The following TMEM132B variants were observed in gnomAD, a reference collection of about 807,000 sequenced individuals.
The protein encoded by TMEM132B is transmembrane protein 132B.
In TMEM132B, 18 loss-of-function variants were observed where a neutral mutation model predicts 90.8. That is an observed-to-expected ratio of 0.20 (90% CI 0.14 to 0.29). The LOEUF (loss-of-function observed/expected upper bound fraction) is 0.29, where lower values mean the gene tolerates loss of function less well. Among genes scored for constraint, TMEM132B ranks in the 10% least tolerant of loss-of-function variants. The probability of loss-of-function intolerance (pLI) is 1.00; values close to 1 mark genes in which losing one functional copy is unlikely to be tolerated. For synonymous variants in TMEM132B, 504 were observed against 523.3 expected (o/e 0.96, Z 0.50); for missense variants, 1,096 against 1,326.8 (o/e 0.83, Z 2.70).
chr12:125,412,019 A>C (rs888588824), intron 2 of TMEM132B, among the ~76,000 whole-genome samples: 3 of 151,546 alleles, frequency 2.0e-5, no homozygotes, highest in Non-Finnish European at 4.4e-5. Context: ...CTGCCACGGC[A>C]CCCCCCGTGC....
chr12:125,556,367 G>A (rs901738820), intron 4 of TMEM132B, among the ~76,000 whole-genome samples: 1 of 152,150 alleles, frequency 6.6e-6, no homozygotes, highest in Non-Finnish European at 1.5e-5. Context: ...TTCTGCCCTT[G>A]TTCTAAGGCA....
At chr12:125,448,721 A>C (rs1881069414) in intron 3 of TMEM132B, among the ~76,000 whole-genome samples, 2 of 152,172 alleles carry the variant, frequency 1.3e-5, no homozygotes, top group Admixed American at 1.3e-4. Context: ...TGGTAAGTAT[A>C]TATTTAATTT....
At chr12:125,485,944 C>T (rs571476979) in intron 3 of TMEM132B, among the ~76,000 whole-genome samples, 9 of 152,242 alleles carry the variant, frequency 5.9e-5, no homozygotes, top group South Asian at 4.2e-4. Flanking sequence ...ATCCACTTAC[C>T]GTGCAGTCTA....
chr12:125,644,006 T>C, intron 5 of TMEM132B, 70 bp from the exon 6 acceptor site: 1 of 1,406,440 alleles, frequency 7.1e-7, no homozygotes, highest in Non-Finnish European at 1.0e-6. Context: ...TTCATGAACT[T>C]TCACTGTTGT....
intron 5 of TMEM132B, among the ~76,000 whole-genome samples, chr12:125,590,738 GAGCATTTATTA>G (rs1266245304): frequency 3.9e-5 from 6 of 152,324 alleles, no homozygotes; most frequent in African/African-American, 1.4e-4. Context: ...AACATTTATT[GAGCATTTATTA>G]AGTACCAGGT....
At chr12:125,281,554 T>A (rs1260805412) in intron 1 of TMEM132B, among the ~76,000 whole-genome samples, 1 of 152,098 alleles carries the variant, frequency 6.6e-6, no homozygotes, top group Non-Finnish European at 1.5e-5. Context: ...CAGAGCTCAG[T>A]TTGCCAGTTA....
At chr12:125,526,333 A>G (rs1416135438) in intron 4 of TMEM132B, among the ~76,000 whole-genome samples, 1 of 152,202 alleles carries the variant, frequency 6.6e-6, no homozygotes, top group African/African-American at 2.4e-5. Flanking sequence ...AGGGGCAGGG[A>G]TGCCATCCAC....
intron 1 of TMEM132B, among the ~76,000 whole-genome samples, chr12:125,216,497 C>T (rs1873441399): frequency 6.6e-6 from 1 of 152,190 alleles, no homozygotes; most frequent in East Asian, 1.9e-4. Flanking sequence ...CTCTCTTCCT[C>T]TAAGCTTTAT....
chr12:125,217,668 G>A (rs1197593791), intron 1 of TMEM132B, among the ~76,000 whole-genome samples: 2 of 152,128 alleles, frequency 1.3e-5, no homozygotes, highest in Non-Finnish European at 2.9e-5. Context: ...TGCCCAGGCC[G>A]GTCTCAAACT....
intron 4 of TMEM132B, among the ~76,000 whole-genome samples, chr12:125,574,448 C>G (rs998399452): frequency 1.3e-5 from 2 of 152,080 alleles, no homozygotes; most frequent in Non-Finnish European, 2.9e-5. Context: ...TGCTATCTTT[C>G]CTTTGTAAAA....
chr12:125,550,275 C>T (rs1350919732), intron 4 of TMEM132B, among the ~76,000 whole-genome samples: 1 of 152,204 alleles, frequency 6.6e-6, no homozygotes, highest in African/African-American at 2.4e-5. Context: ...GGGGGGCGGG[C>T]ACACCTTCTG....
At chr12:125,264,586 T>A (rs1156700111) in intron 1 of TMEM132B, among the ~76,000 whole-genome samples, 1 of 152,210 alleles carries the variant, frequency 6.6e-6, no homozygotes, top group East Asian at 1.9e-4. Flanking sequence ...TTACCAGTTG[T>A]TCCCAGCTCA....
intron 1 of TMEM132B, among the ~76,000 whole-genome samples, chr12:125,206,271 C>A (rs187682703): frequency 6.6e-6 from 1 of 152,102 alleles, no homozygotes; most frequent in East Asian, 1.9e-4. Flanking sequence ...CAGAGTCTCA[C>A]TATGTAGCGC....
Position 125,658,823 on chromosome 12 carries a change from T to C in TMEM132B, c.*4113T>C, listed in dbSNP as rs184373359. The C allele has an allele frequency of 6.6e-6, 1 of 152,318 alleles. No homozygotes were observed. The highest frequency in any genetic ancestry group is 1.9e-4 in the East Asian group (1 of 5,190). 9.4% of individuals were successfully genotyped at this position (152,318 alleles called of 1,614,324 possible). A position where few individuals can be genotyped will look rare whatever the true frequency, so the allele number is the denominator to read the frequency against. ...TAGTAACATCATGAAATGCACTGAA[T>C]TTGGAATTCTGGCCTAGAAAGGCTG... On this transcript the variant is annotated 3_prime_UTR_variant, in exon 9 of 9. Transcript: ENST00000682704.
rs1882785209 is a variant in TMEM132B at position 125,504,663 on chromosome 12, G to C, written c.1107-14776G>C. Among the ~76,000 whole-genome samples the C allele has an allele frequency of 2.0e-5, 3 of 151,998 alleles. No homozygotes were observed. In the South Asian group the frequency reaches 6.2e-4, roughly 32 times the overall value. On this transcript the variant is annotated intron_variant, in intron 3 of 8. Transcript: ENST00000682704. ...ACACCGATGACAACTATAAACTCAG[G>C]AGAAAATGCAAAAAACAGCTATTTA...
At chr12:125,653,455 A>G in intron 8 of TMEM132B, 110 bp from the exon 9 acceptor site, 2 of 1,231,890 alleles carry the variant, frequency 1.6e-6, no homozygotes, top group Non-Finnish European at 2.2e-6. Context: ...TTATAAAACT[A>G]TAGAAATCTT....
At chr12:125,356,879 C>A (rs1877791532) in intron 2 of TMEM132B, among the ~76,000 whole-genome samples, 1 of 152,252 alleles carries the variant, frequency 6.6e-6, no homozygotes, top group African/African-American at 2.4e-5. Context: ...GCACCCCCTG[C>A]CCCACTGGGC....
At chr12:125,377,691 G>A (rs147675365) in intron 2 of TMEM132B, among the ~76,000 whole-genome samples, 86 of 152,196 alleles carry the variant, frequency 5.7e-4, no homozygotes, top group African/African-American at 2.0e-3. Context: ...CTCATGGGAC[G>A]TCTGAATATT....
At chr12:125,264,263 A>G (rs1874636015) in intron 1 of TMEM132B, among the ~76,000 whole-genome samples, 1 of 151,966 alleles carries the variant, frequency 6.6e-6, no homozygotes, top group Non-Finnish European at 1.5e-5. Flanking sequence ...ATGATGTTGC[A>G]CCCACCATGG....
Sources: gnomAD v4.1 joint callset for allele counts (sites outside exome capture counted in the v4.1 genomes callset) on GRCh38, gnomAD v4.1.1 for gene constraint, MANE v1.5 for transcripts, NCBI Gene and HGNC (gene_info 2026-07-23, HGNC 2026-07-21) for gene names.